The following LINGO2 variants were observed in gnomAD, a reference collection of about 807,000 sequenced individuals.
LINGO2 encodes leucine-rich repeat and immunoglobulin-like domain-containing nogo receptor-interacting protein 2.
In LINGO2, 14 loss-of-function variants were observed where a neutral mutation model predicts 30.6. The ratio of observed to expected loss-of-function variants is 0.46; its 90% CI spans 0.30 to 0.72. The LOEUF (loss-of-function observed/expected upper bound fraction) is 0.72. Ranked by LOEUF, LINGO2 falls within the 30% of genes least tolerant of loss-of-function variation. The pLI is 0.07. For synonymous variants in LINGO2, 317 were observed against 288.5 expected (o/e 1.10, Z -1.00); for missense variants, 729 against 751.7 (o/e 0.97, Z 0.35).
the LINGO2 span, among the ~76,000 whole-genome samples, chr9:28,847,994 TGTACATATATAC>T: frequency 4.6e-5 from 5 of 107,544 alleles, no homozygotes; most frequent in South Asian, 1.1e-3. Flanking sequence ...TATATGTATA[TGTACATATATAC>T]ATACATATAT....
the LINGO2 span, among the ~76,000 whole-genome samples, chr9:28,830,741 C>T: frequency 1.4e-5 from 2 of 143,956 alleles, no homozygotes; most frequent in Admixed American, 1.4e-4. Context: ...TATACAGAAA[C>T]CTTCTCTTGC....
the LINGO2 span, among the ~76,000 whole-genome samples, chr9:29,188,014 CTTTTT>C: frequency 1.3e-5 from 1 of 75,780 alleles, no homozygotes; most frequent in African/African-American, 5.6e-5. Context: ...TTGACAGAGT[CTTTTT>C]TTTTTTTTTT....
intron 3 of LINGO2, among the ~76,000 whole-genome samples, chr9:28,302,813 G>A (rs1046767564): frequency 1.3e-5 from 2 of 152,132 alleles, no homozygotes; most frequent in Non-Finnish European, 2.9e-5. Flanking sequence ...CACATTGTAT[G>A]CTTTACATAC....
chr9:28,099,440 T>C (rs1387969647), intron 4 of LINGO2, among the ~76,000 whole-genome samples: 1 of 152,208 alleles, frequency 6.6e-6, no homozygotes, highest in Non-Finnish European at 1.5e-5. Context: ...CGTGGACAAG[T>C]GGAGAAGAAG....
At chr9:27,958,546 AGT>A (rs976670300) in intron 5 of LINGO2, among the ~76,000 whole-genome samples, 4 of 147,500 alleles carry the variant, frequency 2.7e-5, no homozygotes, top group African/African-American at 1.1e-4. Flanking sequence ...TTTAAGGGAG[AGT>A]GAGAGAGAGA....
intron 2 of LINGO2, among the ~76,000 whole-genome samples, chr9:28,433,943 CTCTCTCTATA>C (rs776148818): frequency 1.6e-4 from 8 of 50,826 alleles, no homozygotes; most frequent in African/African-American, 3.6e-4. Flanking sequence ...CTCTCTCTCT[CTCTCTCTATA>C]TATATATATA....
At chr9:28,616,159 G>T (rs537667583) in intron 1 of LINGO2, among the ~76,000 whole-genome samples, 1 of 152,038 alleles carries the variant, frequency 6.6e-6, no homozygotes, top group Non-Finnish European at 1.5e-5. Flanking sequence ...ATGCTATACC[G>T]TAATGAAAAG....
chr9:28,344,754 A>G (rs916311656), intron 3 of LINGO2, among the ~76,000 whole-genome samples: 3 of 152,130 alleles, frequency 2.0e-5, no homozygotes, highest in Non-Finnish European at 2.9e-5. Flanking sequence ...GGTTTCAGCT[A>G]ATAAAGACTC....
rs909374122 is a variant in LINGO2, at chr9:28,050,338, T to C, written c.-86-37933A>G. 5.3e-5 allele frequency among the ~76,000 whole-genome samples: 8 copies of C among 150,718 alleles called. 2 individuals are homozygous for C. The highest frequency in any genetic ancestry group is 2.0e-4 in the African/African-American group (8 of 40,742). ...ACAACCAAAGAAATAAAATACACTT[T>C]GGTTAAAGCCCCATATCTGGAGTCT... On this transcript the variant is annotated intron_variant, in intron 4 of 5. Transcript: ENST00000379992.
chr9:28,507,448 A>G (rs1003902597), intron 1 of LINGO2, among the ~76,000 whole-genome samples: 16 of 152,086 alleles, frequency 1.1e-4, no homozygotes, highest in Admixed American at 9.2e-4. Context: ...CTCCAAAATC[A>G]TATATCCCAC....
At chr9:28,793,937 A>G in the LINGO2 span, among the ~76,000 whole-genome samples, 183 of 152,286 alleles carry the variant, frequency 1.2e-3, no homozygotes, top group Admixed American at 3.5e-3. Context: ...TCAGATCTTC[A>G]GTCAGAAAAA....
At chr9:28,645,222 T>C (rs891507220) in intron 1 of LINGO2, among the ~76,000 whole-genome samples, 4 of 152,064 alleles carry the variant, frequency 2.6e-5, no homozygotes, top group South Asian at 2.1e-4. Context: ...GGGGATTCAG[T>C]TATAGTCACA....
At chr9:28,234,691 T>C (rs1010142507) in intron 4 of LINGO2, among the ~76,000 whole-genome samples, 12 of 150,054 alleles carry the variant, frequency 8.0e-5, no homozygotes, top group Admixed American at 2.6e-4. Context: ...ATCTTGGACT[T>C]ACGCCAGTGG....
the LINGO2 span, among the ~76,000 whole-genome samples, chr9:28,826,103 A>G: frequency 6.6e-6 from 1 of 152,164 alleles, no homozygotes; most frequent in African/African-American, 2.4e-5. Context: ...TAATGGTAAA[A>G]TGGGTATTGA....
chr9:28,959,612 T>A, the LINGO2 span, among the ~76,000 whole-genome samples: 1,186 of 132,196 alleles, frequency 9.0e-3, 17 homozygotes, highest in African/African-American at 0.031. Context: ...TCTCTCTCCC[T>A]CACACACACA....
chr9:28,698,317 T>C, the LINGO2 span, among the ~76,000 whole-genome samples: 1 of 152,102 alleles, frequency 6.6e-6, no homozygotes, highest in Non-Finnish European at 1.5e-5. Context: ...AGGTCCTTTA[T>C]ACATCCTTCT....
At chr9:29,138,029 C>CT in the LINGO2 span, among the ~76,000 whole-genome samples, 5 of 151,632 alleles carry the variant, frequency 3.3e-5, no homozygotes, top group African/African-American at 4.8e-5. Flanking sequence ...TGAAGTTTCT[C>CT]TTTTTTTATT....
At chr9:28,406,977 T>G (rs1443434956) in intron 2 of LINGO2, among the ~76,000 whole-genome samples, 2 of 152,154 alleles carry the variant, frequency 1.3e-5, no homozygotes, top group Admixed American at 1.3e-4. Context: ...TTAATTCCTG[T>G]GTTGGGTGCA....
intron 5 of LINGO2, among the ~76,000 whole-genome samples, chr9:28,007,962 C>T (rs1822349709): frequency 6.6e-6 from 1 of 152,196 alleles, no homozygotes; most frequent in Non-Finnish European, 1.5e-5. Context: ...CTCATGACAA[C>T]ATTCATGTGG....
Sources: gnomAD v4.1 joint callset for allele counts (sites outside exome capture counted in the v4.1 genomes callset) on GRCh38, gnomAD v4.1.1 for gene constraint, MANE v1.5 for transcripts, NCBI Gene and HGNC (gene_info 2026-07-23, HGNC 2026-07-21) for gene names.